The following RCOR1 variants were observed in gnomAD, a reference collection of about 807,000 sequenced individuals.
RCOR1 encodes the protein REST corepressor 1.
Under a neutral mutation model 64.0 loss-of-function variants are expected in RCOR1, and 12 were observed. That is an observed-to-expected ratio of 0.19 (90% CI 0.12 to 0.30). The LOEUF (loss-of-function observed/expected upper bound fraction) is 0.30, where lower values mean the gene tolerates loss of function less well. RCOR1 is among the 10% of genes least tolerant of loss of function. The pLI, the probability that RCOR1 is intolerant of heterozygous loss-of-function variation, is 1.00. For missense variants in RCOR1, 502 were observed against 621.2 expected (o/e 0.81, Z 2.04); for synonymous variants, 279 against 227.2 (o/e 1.23, Z -2.05).
intron 2 of RCOR1, among the ~76,000 whole-genome samples, chr14:102,675,465 C>T (rs1381495853): frequency 6.6e-6 from 1 of 152,134 alleles, no homozygotes; most frequent in African/African-American, 2.4e-5. Context: ...TACTTTGGGG[C>T]TGTTAGTAAG....
chr14:102,596,004 A>C (rs1893234433), intron 2 of RCOR1, among the ~76,000 whole-genome samples: 1 of 152,106 alleles, frequency 6.6e-6, no homozygotes, highest in Non-Finnish European at 1.5e-5. Context: ...CAGAAAATTG[A>C]GACTTTACTA....
At chr14:102,726,324 C>T in intron 11 of RCOR1, 144 bp from the exon 12 acceptor site, 1 of 711,478 alleles carries the variant, frequency 1.4e-6, no homozygotes, top group South Asian at 1.7e-5. Context: ...AGACCTGTCT[C>T]CCCTCCAAAA....
At chr14:102,685,561 C>G (rs1895401226) in intron 3 of RCOR1, among the ~76,000 whole-genome samples, 1 of 151,636 alleles carries the variant, frequency 6.6e-6, no homozygotes. Context: ...TGGCTCACTG[C>G]AACCTCCACC....
chr14:102,612,682 T>C (rs140674689), intron 2 of RCOR1, among the ~76,000 whole-genome samples: 2 of 152,062 alleles, frequency 1.3e-5, no homozygotes, highest in Non-Finnish European at 2.9e-5. Flanking sequence ...TGATCTCATT[T>C]GCTCTTAGAA....
At chr14:102,683,029 C>G (rs1895337413) in intron 3 of RCOR1, among the ~76,000 whole-genome samples, 2 of 152,082 alleles carry the variant, frequency 1.3e-5, no homozygotes, top group African/African-American at 4.8e-5. Context: ...TATTGTATTG[C>G]TTATTGGAGT....
At chr14:102,670,739 T>G (rs568991530) in intron 2 of RCOR1, among the ~76,000 whole-genome samples, 133 of 102,876 alleles carry the variant, frequency 1.3e-3, no homozygotes, top group African/African-American at 7.4e-3. Context: ...ATGACAAGAT[T>G]ATTATATATA....
intron 2 of RCOR1, among the ~76,000 whole-genome samples, chr14:102,623,144 C>A (rs1190065670): frequency 6.6e-6 from 1 of 152,036 alleles, no homozygotes; most frequent in Non-Finnish European, 1.5e-5. Context: ...TAGTTTCATT[C>A]ACAGTTTCAT....
intron 2 of RCOR1, among the ~76,000 whole-genome samples, chr14:102,610,124 C>T (rs987368672): frequency 8.0e-5 from 12 of 149,666 alleles, no homozygotes; most frequent in African/African-American, 2.7e-4. Context: ...GAGCGAAACT[C>T]CATCTCAAAA....
intron 3 of RCOR1, among the ~76,000 whole-genome samples, chr14:102,689,674 C>CCAGTGGTAAGA (rs1346555391): frequency 6.6e-6 from 1 of 151,998 alleles, no homozygotes; most frequent in Admixed American, 6.6e-5. Context: ...AAAAACTGGT[C>CCAGTGGTAAGA]CAGTGGTAAG....
At chr14:102,610,924 A>G (rs1893619133) in intron 2 of RCOR1, among the ~76,000 whole-genome samples, 1 of 152,120 alleles carries the variant, frequency 6.6e-6, no homozygotes, top group African/African-American at 2.4e-5. Flanking sequence ...ATGAAATTTG[A>G]GATGGGTACA....
chr14:102,655,689 A>G (rs997633973), intron 2 of RCOR1: 2 of 219,334 alleles, frequency 9.1e-6, no homozygotes, highest in Non-Finnish European at 1.5e-5. Flanking sequence ...ATAGTGGCTC[A>G]TACCTGTAAT....
chr14:102,675,739 A>G (rs931653735), intron 2 of RCOR1, among the ~76,000 whole-genome samples: 3 of 152,216 alleles, frequency 2.0e-5, no homozygotes, highest in Non-Finnish European at 4.4e-5. Context: ...TAGGATACCA[A>G]AGAGTTCCAG....
At chr14:102,599,867 G>A (rs1335514804) in intron 2 of RCOR1, among the ~76,000 whole-genome samples, 1 of 148,098 alleles carries the variant, frequency 6.8e-6, no homozygotes, top group Non-Finnish European at 1.5e-5. Context: ...CAGTGGCCCT[G>A]ATGTTGGCTC....
At chr14:102,698,237 T>C (rs934558684) in intron 3 of RCOR1, among the ~76,000 whole-genome samples, 1 of 152,218 alleles carries the variant, frequency 6.6e-6, no homozygotes, top group African/African-American at 2.4e-5. Flanking sequence ...GTGTGTGTCT[T>C]AAAATTTGTA....
chr14:102,623,378 T>C (rs1312001902), intron 2 of RCOR1, among the ~76,000 whole-genome samples: 1 of 133,924 alleles, frequency 7.5e-6, no homozygotes, highest in Admixed American at 7.2e-5. Context: ...TTACTTCCTT[T>C]ATTTATTTAT....
At chr14:102,699,826 G>A (rs1299956229) in intron 3 of RCOR1, among the ~76,000 whole-genome samples, 2 of 151,698 alleles carry the variant, frequency 1.3e-5, no homozygotes, top group East Asian at 3.9e-4. Flanking sequence ...ATGAACATAT[G>A]GCAGTGCTAT....
chr14:102,625,231 C>CTTTT (rs61403856), intron 2 of RCOR1, among the ~76,000 whole-genome samples: 130 of 79,156 alleles, frequency 1.6e-3, no homozygotes, highest in African/African-American at 2.0e-3. Flanking sequence ...TATCTTGTTA[C>CTTTT]TTTTTTTTTT....
intron 2 of RCOR1, among the ~76,000 whole-genome samples, chr14:102,621,145 A>G (rs1292519801): frequency 1.3e-5 from 2 of 152,016 alleles, no homozygotes; most frequent in African/African-American, 4.8e-5. Context: ...AGTTTTTTAG[A>G]ATTTTTTGTA....
chr14:102,720,393 A>C (rs985116756), intron 8 of RCOR1, among the ~76,000 whole-genome samples: 1 of 152,228 alleles, frequency 6.6e-6, no homozygotes, highest in Non-Finnish European at 1.5e-5. Flanking sequence ...CCTTGAGCCA[A>C]GGCAGTAATG....
Sources: gnomAD v4.1 joint callset for allele counts (sites outside exome capture counted in the v4.1 genomes callset) on GRCh38, gnomAD v4.1.1 for gene constraint, MANE v1.5 for transcripts, NCBI Gene and HGNC (gene_info 2026-07-23, HGNC 2026-07-21) for gene names.